PMS1: variants seen among roughly 807,000 people sequenced by gnomAD.
PMS1 encodes PMS1 homolog 1, mismatch repair system component.
A neutral mutation model predicts 93.1 loss-of-function variants in PMS1; 79 were observed. That is an observed-to-expected ratio of 0.85 (90% CI 0.71 to 1.02). The LOEUF (loss-of-function observed/expected upper bound fraction) is 1.02, where lower values mean the gene tolerates loss of function less well. Among genes scored for constraint, PMS1 ranks in the 50% least tolerant of loss-of-function variants. The pLI, the probability that PMS1 is intolerant of heterozygous loss-of-function variation, is 0.00. For synonymous variants in PMS1, 335 were observed against 363.4 expected, an observed-to-expected ratio of 0.92 and a Z score of 0.89; for missense variants, 1,064 against 1,085.3, an observed-to-expected ratio of 0.98 and a Z score of 0.28.
At position 189,854,535 on chromosome 2, in the gene PMS1, T is replaced by C; in HGVS notation, c.1263T>C (p.Cys421=). ...ISIGDFGYGH[C]SSEISNIDKN... is the part of the protein sequence containing the mutation. ...TTGGTGACTTTGGTTATGGTCATTG[T>C]AGTAGTGAAATTTCTAACATTGATA... The change falls in exon 9 of 13, where the codon TGT becomes TGC. Residue 421 remains cysteine, a synonymous_variant. Coordinates refer to ENST00000441310, the MANE Select transcript of PMS1 (RefSeq NM_000534.5). The C allele has an allele frequency of 6.2e-7, 1 of 1,613,528 alleles. No individual in the cohort carries two copies. Among genetic ancestry groups the C allele is most frequent in the Non-Finnish European group, 8.5e-7 (1 of 1,179,620 alleles).
In PMS1 at chr2:189,791,841, T is replaced by G. The variant is rs770894099; in HGVS notation, c.32T>G (p.Leu11Arg). 5 of 1,613,880 alleles carry G rather than the reference T, an allele frequency of 3.1e-6. No homozygotes were observed. The Admixed American group carries it at 5.0e-5, about 16-fold the overall frequency. MKQLPAATVR[L>R]LSSSQIITSV... Reference sequence around the variant, plus strand: ...CAATTGCCTGCGGCAACAGTTCGACTCCTTTCAAGTTCTCAGATCATCACT... The same window carrying G: ...CAATTGCCTGCGGCAACAGTTCGACGCCTTTCAAGTTCTCAGATCATCACT... The change falls in exon 2 of 13, where the codon CTC becomes CGC. Residue 11 changes from leucine to arginine, a missense_variant. Coordinates refer to ENST00000441310, the MANE Select transcript of PMS1 (RefSeq NM_000534.5).
At chr2:189,870,810 C>T (rs1240227484) in intron 11 of PMS1, among the ~76,000 whole-genome samples, 1 of 152,156 alleles carries the variant, frequency 6.6e-6, no homozygotes, top group South Asian at 2.1e-4. Context: ...TCTGCTACTG[C>T]TTTTTGCCTA....
chr2:189,813,317 G>A (rs1392724321), intron 4 of PMS1, among the ~76,000 whole-genome samples: 2 of 152,222 alleles, frequency 1.3e-5, no homozygotes, highest in African/African-American at 4.8e-5. Flanking sequence ...CCTGAGTGTG[G>A]TCGATTTCAT....
Position 189,855,796 on chromosome 2 carries a change from A to C in PMS1, c.1856+668A>C, listed in dbSNP as rs1030475906. ...TTAGATTTTCTGAATAAATGTTCCA[A>C]AATAATATGATGAATGTTTTTAATT... On this transcript the variant is annotated intron_variant, in intron 9 of 12. Coordinates refer to ENST00000441310, the MANE Select transcript of PMS1 (RefSeq NM_000534.5). The C allele has an allele frequency of 7.0e-6, 4 of 572,594 alleles. No individual in the cohort carries two copies. In the African/African-American group the frequency reaches 8.1e-5, roughly 12 times the overall value. 35.5% of individuals were successfully genotyped at this position (572,594 alleles called of 1,614,324 possible).
At chr2:189,835,023 T>A (rs2053265582) in intron 5 of PMS1, among the ~76,000 whole-genome samples, 2 of 152,356 alleles carry the variant, frequency 1.3e-5, no homozygotes, top group South Asian at 4.1e-4. Context: ...TTATTTAATT[T>A]TTTAAAAGAT....
At chr2:189,801,292 A>G (rs113511825) in intron 3 of PMS1, among the ~76,000 whole-genome samples, 2 of 152,262 alleles carry the variant, frequency 1.3e-5, no homozygotes, top group African/African-American at 4.8e-5. Context: ...CATAACAGCA[A>G]GCATAACTTC....
chr2:189,796,110 G>A (rs976354777), intron 3 of PMS1, among the ~76,000 whole-genome samples, 159 bp downstream of exon 3: 1 of 152,160 alleles, frequency 6.6e-6, no homozygotes, highest in Admixed American at 6.5e-5. Context: ...TGTAATCCCA[G>A]CACTTTGGGA....
chr2:189,838,883 C>T (rs2053596034), intron 5 of PMS1, among the ~76,000 whole-genome samples: 1 of 152,218 alleles, frequency 6.6e-6, no homozygotes, highest in Non-Finnish European at 1.5e-5. Context: ...GAATTAATTA[C>T]ACATAGTCCT....
chr2:189,836,588 A>T (rs1377566500), intron 5 of PMS1, among the ~76,000 whole-genome samples: 3 of 152,230 alleles, frequency 2.0e-5, no homozygotes, highest in Non-Finnish European at 4.4e-5. Context: ...CTTATTCATC[A>T]CATTTTATAG....
In PMS1 at chr2:189,877,485, A is replaced by G. The variant is rs1366865833; in HGVS notation, c.*49A>G. The G allele has an allele frequency of 1.6e-6, 2 of 1,267,100 alleles. No homozygotes were observed. Among genetic ancestry groups the G allele is most frequent in the South Asian group, 1.2e-5 (1 of 83,010 alleles). 78.5% of individuals were successfully genotyped at this position (1,267,100 alleles called of 1,614,324 possible). On this transcript the variant is annotated 3_prime_UTR_variant, in exon 13 of 13. Transcript: ENST00000441310. Reference sequence around the variant, plus strand: ...TTACCATTGAAATTGGTTCTGTCATAAAACAGCATGAGTCTGGTTTTAAAT... The same window carrying G: ...TTACCATTGAAATTGGTTCTGTCATGAAACAGCATGAGTCTGGTTTTAAAT...
At chr2:189,861,230 C>T (rs145372378) in intron 9 of PMS1, among the ~76,000 whole-genome samples, 1 of 151,710 alleles carries the variant, frequency 6.6e-6, no homozygotes, top group South Asian at 2.1e-4. Flanking sequence ...TTAGTTTTTG[C>T]TTTGGTGATT....
chr2:189,850,789 G>A (rs4920658), intron 6 of PMS1, among the ~76,000 whole-genome samples: 5,583 of 152,168 alleles, frequency 0.037, 144 homozygotes, highest in Admixed American at 0.058. Context: ...AATTGTGAGG[G>A]TGTCGGGCTG....
rs2050510882 is a variant in PMS1, at chr2:189,808,212, G to T, written c.418+2458G>T. Among the ~76,000 whole-genome samples, 3 of 152,000 alleles carry T rather than the reference G, an allele frequency of 2.0e-5. No homozygotes were observed. In the South Asian group the frequency reaches 6.2e-4, roughly 32 times the overall value. ...TCCCTGCTTAGCATTTACTCTTCAT[G>T]TCATCTGATATAATGATACCTGTGG... is the stretch of plus-strand genomic sequence containing the variant. On this transcript the variant is annotated intron_variant, in intron 4 of 12. Transcript: ENST00000441310.
At chr2:189,859,541 T>A (rs1193960695) in intron 9 of PMS1, among the ~76,000 whole-genome samples, 1 of 152,160 alleles carries the variant, frequency 6.6e-6, no homozygotes, top group East Asian at 1.9e-4. Context: ...TTAGAAGCTC[T>A]GAGGATGGGA....
intron 5 of PMS1, among the ~76,000 whole-genome samples, chr2:189,827,631 C>G (rs1181286237): frequency 6.6e-6 from 1 of 152,032 alleles, no homozygotes; most frequent in Non-Finnish European, 1.5e-5. Flanking sequence ...TCATGTGTAT[C>G]CACTGTATAT....
At chr2:189,797,579 T>A (rs751211251) in intron 3 of PMS1, among the ~76,000 whole-genome samples, 1 of 152,154 alleles carries the variant, frequency 6.6e-6, no homozygotes, top group Admixed American at 6.6e-5. Flanking sequence ...CTTGAGTTAT[T>A]GAAATTTGCC....
Position 189,876,770 on chromosome 2 carries a change from C to CTTTTT in PMS1, c.2635-484_2635-480dup, listed in dbSNP as rs150660131. Among the ~76,000 whole-genome samples, 7 of 117,890 alleles carry CTTTTT rather than the reference C, an allele frequency of 5.9e-5. 1 individual carries two copies. Among genetic ancestry groups the CTTTTT allele is most frequent in the Non-Finnish European group, 8.5e-5 (5 of 58,818 alleles). 77.3% of individuals were successfully genotyped at this position (117,890 alleles called of 152,430 possible). On this transcript the variant is annotated intron_variant, in intron 12 of 12. Coordinates refer to ENST00000441310, the MANE Select transcript of PMS1 (RefSeq NM_000534.5). ...CTACAGGCATGCCCCACCGTGCCCA[C>CTTTTT]TTTTTTTTTTTTTTTTTTTTTTGTG...
chr2:189,861,413 T>G (rs2055980537), intron 9 of PMS1, among the ~76,000 whole-genome samples: 1 of 151,922 alleles, frequency 6.6e-6, no homozygotes, highest in African/African-American at 2.4e-5. Context: ...TTTTTTTTTT[T>G]TTAATGATAT....
chr2:189,792,686 C>A (rs1326103881), intron 2 of PMS1, among the ~76,000 whole-genome samples: 3 of 79,694 alleles, frequency 3.8e-5, no homozygotes, highest in East Asian at 3.0e-4. Context: ...TATATGGACA[C>A]AAATATATAT....
Sources: allele counts gnomAD v4.1 joint callset (sites outside exome capture counted in the v4.1 genomes callset), GRCh38; gene constraint gnomAD v4.1.1; transcripts MANE v1.5; gene names NCBI Gene and HGNC (gene_info 2026-07-23, HGNC 2026-07-21).